FAM107B: variants seen among roughly 807,000 people sequenced by gnomAD.
FAM107B encodes family with sequence similarity 107 member B, also known as protein FAM107B.
A neutral mutation model predicts 31.5 loss-of-function variants in FAM107B; 21 were observed. The ratio of observed to expected loss-of-function variants is 0.67; its 90% confidence interval spans 0.47 to 0.96. FAM107B has a LOEUF of 0.96. Ranked by LOEUF, FAM107B falls within the 40% of genes least tolerant of loss-of-function variation. The pLI, the probability that FAM107B is intolerant of heterozygous loss-of-function variation, is 0.00. For missense variants in FAM107B, 452 were observed against 377.1 expected (o/e 1.20, Z -1.64); for synonymous variants, 157 against 141.5 (o/e 1.11, Z -0.78).
intron 1 of FAM107B, among the ~76,000 whole-genome samples, chr10:14,738,297 G>A (rs558266800): frequency 1.3e-5 from 2 of 152,270 alleles, no homozygotes; most frequent in East Asian, 3.9e-4. Context: ...TTACGAGTGG[G>A]AGTTAGGGAA....
intron 1 of FAM107B, among the ~76,000 whole-genome samples, chr10:14,745,758 A>G (rs1382760218): frequency 6.6e-6 from 1 of 152,148 alleles, no homozygotes; most frequent in Non-Finnish European, 1.5e-5. Flanking sequence ...TGTGTTGCTG[A>G]GAAGAATGTA....
At chr10:14,738,279 C>T (rs1201357987) in intron 1 of FAM107B, among the ~76,000 whole-genome samples, 1 of 152,146 alleles carries the variant, frequency 6.6e-6, no homozygotes, top group Non-Finnish European at 1.5e-5. Context: ...CTCAGAATAG[C>T]AAATCTGTTA....
intron 2 of FAM107B, chr10:14,661,764 G>A (rs1854247299): frequency 6.6e-6 from 1 of 152,244 alleles, no homozygotes; most frequent in South Asian, 2.1e-4. Context: ...TTTGGCAGCT[G>A]CTGAGAAATG....
intron 1 of FAM107B, among the ~76,000 whole-genome samples, chr10:14,756,926 C>A (rs1832942515): frequency 6.6e-6 from 1 of 152,242 alleles, no homozygotes; most frequent in Non-Finnish European, 1.5e-5. Flanking sequence ...AACCAAATAT[C>A]GTGTGTTCTT....
intron 2 of FAM107B, among the ~76,000 whole-genome samples, chr10:14,620,488 T>C (rs989215193): frequency 6.6e-6 from 1 of 152,234 alleles, no homozygotes; most frequent in Admixed American, 6.5e-5. Context: ...TTTGCTTTCA[T>C]ATACATTTTA....
intron 1 of FAM107B, among the ~76,000 whole-genome samples, chr10:14,725,512 G>T (rs1564274576): frequency 6.6e-6 from 1 of 152,084 alleles, no homozygotes; most frequent in Non-Finnish European, 1.5e-5. Context: ...CAAGATTAAG[G>T]CTCTGGCAGA....
At chr10:14,704,521 C>T (rs779218154) in intron 1 of FAM107B, among the ~76,000 whole-genome samples, 15 of 152,114 alleles carry the variant, frequency 9.9e-5, no homozygotes, top group East Asian at 3.8e-4. Flanking sequence ...ACAGAGGGGA[C>T]GCCCAGCCAA....
chr10:14,568,580 A>C (rs1394726837), intron 2 of FAM107B, among the ~76,000 whole-genome samples: 3 of 151,304 alleles, frequency 2.0e-5, no homozygotes, highest in Middle Eastern at 3.4e-3. Context: ...CTGGCTGATG[A>C]TCTCAGGGTT....
intron 1 of FAM107B, among the ~76,000 whole-genome samples, chr10:14,691,732 A>C (rs541149135): frequency 6.6e-6 from 1 of 152,066 alleles, no homozygotes; most frequent in East Asian, 1.9e-4. Flanking sequence ...ATCTCTACTG[A>C]AAATACAAAA....
chr10:14,707,233 A>G (rs1855542696), intron 1 of FAM107B, among the ~76,000 whole-genome samples: 1 of 152,226 alleles, frequency 6.6e-6, no homozygotes, highest in Admixed American at 6.5e-5. Context: ...CCACCCCAAC[A>G]AAAGAAAATT....
intron 2 of FAM107B, among the ~76,000 whole-genome samples, chr10:14,545,367 A>G (rs1312496873): frequency 6.6e-6 from 1 of 151,800 alleles, no homozygotes; most frequent in Admixed American, 6.5e-5. Context: ...TTACAAAGCT[A>G]TTGATCTGGG....
chr10:14,526,995 G>A (rs970699309), intron 3 of FAM107B, among the ~76,000 whole-genome samples: 5 of 151,968 alleles, frequency 3.3e-5, no homozygotes, highest in Admixed American at 6.5e-5. Context: ...CCACCAACAC[G>A]CCCAGCTAAT....
chr10:14,643,086 C>T (rs533178163), intron 2 of FAM107B, among the ~76,000 whole-genome samples: 1 of 146,682 alleles, frequency 6.8e-6, no homozygotes, highest in Admixed American at 6.9e-5. Flanking sequence ...TCCAGAAGAA[C>T]AGAACTGATT....
chr10:14,632,540 G>A (rs11259239), intron 2 of FAM107B, among the ~76,000 whole-genome samples: 33,340 of 149,832 alleles, frequency 0.22, 4,056 homozygotes, highest in East Asian at 0.49. Flanking sequence ...GAACCCGGGA[G>A]GCGGAGCTTG....
chr10:14,745,515 G>A (rs1024071024), intron 1 of FAM107B, among the ~76,000 whole-genome samples: 7 of 151,864 alleles, frequency 4.6e-5, no homozygotes, highest in African/African-American at 1.7e-4. Flanking sequence ...TGTTCTTATT[G>A]GTTTCAAAGA....
At chr10:14,602,546 T>C (rs1233309969) in intron 2 of FAM107B, 1 of 152,240 alleles carries the variant, frequency 6.6e-6, no homozygotes, top group Non-Finnish European at 1.5e-5. Context: ...ACTTTCTCAG[T>C]GCAAGGTCTT....
At chr10:14,769,872 C>A (rs1262232241) in intron 1 of FAM107B, among the ~76,000 whole-genome samples, 2 of 152,238 alleles carry the variant, frequency 1.3e-5, no homozygotes, top group Non-Finnish European at 2.9e-5. Context: ...TGTGAACTCT[C>A]CCTTTCTCAC....
At chr10:14,625,879 A>AAAAAAG (rs1853148770) in intron 2 of FAM107B, among the ~76,000 whole-genome samples, 1 of 151,628 alleles carries the variant, frequency 6.6e-6, no homozygotes, top group Non-Finnish European at 1.5e-5. Context: ...AAAAAAAAAA[A>AAAAAAG]AGCTAATTTC....
chr10:14,597,814 G>C (rs541096085), intron 2 of FAM107B, among the ~76,000 whole-genome samples: 2 of 152,312 alleles, frequency 1.3e-5, no homozygotes, highest in African/African-American at 2.4e-5. Flanking sequence ...GCCAGGCGTG[G>C]TGGCACATGC....
Sources: gnomAD v4.1 joint callset for allele counts (sites outside exome capture counted in the v4.1 genomes callset) on GRCh38, gnomAD v4.1.1 for gene constraint, MANE v1.5 for transcripts, NCBI Gene and HGNC (gene_info 2026-07-23, HGNC 2026-07-21) for gene names.